The following THRB variants were observed in gnomAD, a reference collection of about 807,000 sequenced individuals.
THRB encodes thyroid hormone receptor beta.
In THRB, 12 loss-of-function variants were observed where a neutral mutation model predicts 47.8. The ratio of observed to expected loss-of-function variants is 0.25; its 90% CI spans 0.16 to 0.41. The LOEUF (loss-of-function observed/expected upper bound fraction) is 0.41. Ranked by LOEUF, THRB falls within the 10% of genes least tolerant of loss-of-function variation. THRB has a pLI of 1.00. For synonymous variants in THRB, 218 were observed against 212.2 expected (o/e 1.03, Z -0.24); for missense variants, 348 against 589.2 (o/e 0.59, Z 4.24).
intron 4 of THRB, among the ~76,000 whole-genome samples, chr3:24,221,529 T>C (rs576878915): frequency 2.0e-5 from 3 of 152,202 alleles, no homozygotes; most frequent in African/African-American, 7.2e-5. Flanking sequence ...GAGGCAATGA[T>C]CATAGTGGAG....
intron 1 of THRB, among the ~76,000 whole-genome samples, chr3:24,482,688 T>C (rs1234814149): frequency 1.3e-5 from 2 of 152,040 alleles, no homozygotes; most frequent in African/African-American, 4.8e-5. Context: ...TGACAGGGCA[T>C]TAAAATAGGA....
chr3:24,185,469 T>C (rs1378200214), intron 5 of THRB, among the ~76,000 whole-genome samples: 1 of 152,178 alleles, frequency 6.6e-6, no homozygotes, highest in African/African-American at 2.4e-5. Flanking sequence ...CATGAACATA[T>C]ATAGGCTTTT....
chr3:24,283,557 C>T (rs925863389), intron 3 of THRB, among the ~76,000 whole-genome samples: 17 of 149,830 alleles, frequency 1.1e-4, no homozygotes, highest in African/African-American at 3.3e-4. Context: ...CACTCCTATT[C>T]GACATAGTGT....
At chr3:24,266,664 G>C (rs1316392728) in intron 3 of THRB, among the ~76,000 whole-genome samples, 5 of 152,082 alleles carry the variant, frequency 3.3e-5, no homozygotes, top group Admixed American at 2.0e-4. Flanking sequence ...GCCAAGCCCA[G>C]GTCCCCAGCA....
At chr3:24,407,677 T>A (rs901892771) in intron 1 of THRB, among the ~76,000 whole-genome samples, 1 of 151,868 alleles carries the variant, frequency 6.6e-6, no homozygotes, top group African/African-American at 2.4e-5. Context: ...TTGGATAATC[T>A]CAAAGGCATT....
chr3:24,319,397 A>G lies in THRB; in HGVS notation c.-189+17903T>C, dbSNP rs529990196. 1.6e-4 allele frequency among the ~76,000 whole-genome samples: 25 copies of G among 152,354 alleles called. 1 individual carries two copies. In the South Asian group the frequency reaches 5.0e-3, roughly 30 times the overall value. ...ATACTACTCTGCAATAAAAAAGAAT[A>G]AAATACTGACATATGTAACAACAGG... On this transcript the variant is annotated intron_variant, in intron 2 of 10. Coordinates refer to ENST00000646209, the MANE Select transcript of THRB (RefSeq NM_001354712.2).
At chr3:24,445,549 A>C (rs959394710) in intron 1 of THRB, among the ~76,000 whole-genome samples, 1 of 152,220 alleles carries the variant, frequency 6.6e-6, no homozygotes, top group Non-Finnish European at 1.5e-5. Flanking sequence ...AAGAACACAG[A>C]TCAACAAGTT....
intron 3 of THRB, among the ~76,000 whole-genome samples, chr3:24,248,861 A>C (rs9880595): frequency 2.5e-4 from 38 of 151,606 alleles, no homozygotes; most frequent in African/African-American, 6.8e-4. Context: ...TTGTTTCCCA[A>C]CTCTGAGGGT....
At chr3:24,304,612 T>G (rs1436212376) in intron 2 of THRB, among the ~76,000 whole-genome samples, 1 of 152,076 alleles carries the variant, frequency 6.6e-6, no homozygotes, top group Non-Finnish European at 1.5e-5. Context: ...AGTACTAACC[T>G]TAGTAAGTTT....
chr3:24,407,638 C>A, intron 1 of THRB, among the ~76,000 whole-genome samples: 1 of 151,832 alleles, frequency 6.6e-6, no homozygotes, highest in Middle Eastern at 3.2e-3. Flanking sequence ...AATCTAGACC[C>A]TCTTACTGGG....
At chr3:24,357,037 G>C (rs186578190) in intron 1 of THRB, among the ~76,000 whole-genome samples, 1 of 151,416 alleles carries the variant, frequency 6.6e-6, no homozygotes, top group Admixed American at 6.6e-5. Context: ...CATGATTCTC[G>C]GTGACCTATG....
chr3:24,457,555 T>C (rs2073298856), intron 1 of THRB, among the ~76,000 whole-genome samples: 1 of 152,180 alleles, frequency 6.6e-6, no homozygotes, highest in African/African-American at 2.4e-5. Context: ...TTTCTGACAT[T>C]GTCTTAAAAG....
chr3:24,148,509 G>A (rs1331242625), intron 6 of THRB, among the ~76,000 whole-genome samples: 1 of 151,918 alleles, frequency 6.6e-6, no homozygotes, highest in East Asian at 1.9e-4. Context: ...TGATCCGTCT[G>A]CCTCCGCCTC....
chr3:24,247,290 G>A (rs772909245), intron 3 of THRB, among the ~76,000 whole-genome samples: 8 of 152,210 alleles, frequency 5.3e-5, no homozygotes, highest in African/African-American at 1.7e-4. Flanking sequence ...CAATAAAGGC[G>A]ATAATAGCAA....
At chr3:24,275,432 G>A (rs2053812549) in intron 3 of THRB, among the ~76,000 whole-genome samples, 1 of 152,108 alleles carries the variant, frequency 6.6e-6, no homozygotes, top group African/African-American at 2.4e-5. Flanking sequence ...TGCTTTGAGG[G>A]GCCAGCCTAC....
chr3:24,180,774 G>A (rs182753290), intron 5 of THRB, among the ~76,000 whole-genome samples: 2 of 152,318 alleles, frequency 1.3e-5, no homozygotes, highest in South Asian at 2.1e-4. Context: ...CCAGCCCTAT[G>A]CCAGGGCAGG....
chr3:24,289,615 A>G (rs1019281505), intron 3 of THRB, among the ~76,000 whole-genome samples: 7 of 152,206 alleles, frequency 4.6e-5, no homozygotes, highest in African/African-American at 1.7e-4. Flanking sequence ...AAATTAAAAT[A>G]CCACTTGGCT....
chr3:24,285,668 C>G (rs371554507), intron 3 of THRB, among the ~76,000 whole-genome samples: 3 of 152,030 alleles, frequency 2.0e-5, no homozygotes, highest in East Asian at 3.9e-4. Context: ...CCCTAACTAC[C>G]TGGTAACTTC....
chr3:24,356,289 G>A (rs535796337), intron 1 of THRB, among the ~76,000 whole-genome samples: 10 of 152,174 alleles, frequency 6.6e-5, no homozygotes, highest in East Asian at 1.9e-4. Context: ...GTCCTGAACC[G>A]CCTCAAAGGT....
Sources: gnomAD v4.1 joint callset for allele counts (sites outside exome capture counted in the v4.1 genomes callset) on GRCh38, gnomAD v4.1.1 for gene constraint, MANE v1.5 for transcripts, NCBI Gene and HGNC (gene_info 2026-07-23, HGNC 2026-07-21) for gene names.